Variants in LRRC47 observed in about 807,000 individuals in gnomAD.
LRRC47 encodes leucine-rich repeat-containing protein 47.
In LRRC47, 31 loss-of-function variants were observed where a neutral mutation model predicts 40.9. The observed-to-expected ratio is 0.76, with a 90% CI of 0.57 to 1.02. LRRC47 has a LOEUF of 1.02. Ranked by LOEUF, LRRC47 falls within the 50% of genes least tolerant of loss-of-function variation. The probability of loss-of-function intolerance (pLI) is 0.00; values close to 1 mark genes in which losing one functional copy is unlikely to be tolerated. For synonymous variants in LRRC47, 427 were observed against 371.9 expected (o/e 1.15, Z -1.70); for missense variants, 726 against 796.1 (o/e 0.91, Z 1.06).
intron 5 of LRRC47, among the ~76,000 whole-genome samples, chr1:3,782,072 C>A (rs187620282): frequency 1.4e-3 from 217 of 152,330 alleles, no homozygotes; most frequent in African/African-American, 4.9e-3. Context: ...CGGGCCGTCA[C>A]GCAGCACCGA....
intron 4 of LRRC47, 77 bp downstream of exon 4, chr1:3,783,919 G>T: frequency 1.6e-6 from 2 of 1,239,576 alleles, no homozygotes; most frequent in Non-Finnish European, 2.3e-6. Context: ...TTCCTGAGGA[G>T]CACAGACTAA....
intron 6 of LRRC47, 42 bp from the exon 7 acceptor site, chr1:3,781,378 G>T: frequency 6.3e-7 from 1 of 1,597,620 alleles, no homozygotes; most frequent in South Asian, 1.1e-5. Flanking sequence ...GATGAGAGGT[G>T]ACCCAGGGAA....
intron 2 of LRRC47, 33 bp from the exon 3 acceptor site, chr1:3,785,236 C>G (rs1381153618): frequency 2.1e-6 from 3 of 1,449,724 alleles, no homozygotes; most frequent in South Asian, 1.4e-5. Context: ...AGCAAGGTCT[C>G]TTGTGCCCTG....
chr1:3,781,709 G>T, intron 5 of LRRC47, 108 bp from the exon 6 acceptor site: 1 of 879,232 alleles, frequency 1.1e-6, no homozygotes, highest in Non-Finnish European at 1.8e-6. Flanking sequence ...GCCAGGCACA[G>T]TGGCTCACAC....
rs183910617 is a variant in LRRC47 at position 3,788,397 on chromosome 1, C to T, written c.616-1087G>A. On this transcript the variant is annotated intron_variant, in intron 1 of 6. Coordinates refer to ENST00000378251, the MANE Select transcript of LRRC47 (RefSeq NM_020710.3). ...TCTGCCCCCAGAGAGGAGGCAACAG[C>T]ATGTGGGCCCCCTGGAAGCCAGCAC... 1.6e-3 allele frequency among the ~76,000 whole-genome samples: 245 copies of T among 152,338 alleles called. 2 individuals are homozygous for T. Among genetic ancestry groups the T allele is most frequent in the Admixed American group, 0.01 (155 of 15,308 alleles).
chr1:3,780,974 C>T lies in LRRC47; in HGVS notation c.*114G>A. On this transcript the variant is annotated 3_prime_UTR_variant, in exon 7 of 7. Transcript: ENST00000378251. ...CTGGCGACAGAGCGAGACTCCATCT[C>T]AAAAAAAAAAACCAACAAAAAAACT... The T allele has an allele frequency of 8.4e-7, 1 of 1,196,078 alleles. No homozygotes were observed. The highest frequency in any genetic ancestry group is 1.1e-6 in the Non-Finnish European group (1 of 887,094). 74.1% of individuals were successfully genotyped at this position (1,196,078 alleles called of 1,614,324 possible).
intron 5 of LRRC47, 57 bp from the exon 6 acceptor site, chr1:3,781,658 C>G: frequency 7.3e-7 from 1 of 1,375,956 alleles, no homozygotes; most frequent in Admixed American, 1.8e-5. Flanking sequence ...ACATCAGCAA[C>G]TGCAACATTT....
At chr1:3,795,394 C>T (rs565774980) in intron 1 of LRRC47, among the ~76,000 whole-genome samples, 26 of 152,330 alleles carry the variant, frequency 1.7e-4, no homozygotes, top group South Asian at 4.1e-4. Flanking sequence ...ACCACCCCTA[C>T]CTTGGAAAGC....
chr1:3,790,141 C>T (rs949595173), intron 1 of LRRC47, among the ~76,000 whole-genome samples: 4 of 152,226 alleles, frequency 2.6e-5, no homozygotes, highest in Non-Finnish European at 4.4e-5. Flanking sequence ...CCTGGCATAC[C>T]GGCTGCCTTC....
chr1:3,795,814 G>C (rs1039056844), intron 1 of LRRC47, 48 bp downstream of exon 1: 2 of 1,493,306 alleles, frequency 1.3e-6, no homozygotes, highest in Non-Finnish European at 1.8e-6. Context: ...CCTTCTCCAG[G>C]GCTACTCCAA....
At position 3,786,952 on chromosome 1, in the gene LRRC47, A is replaced by G. The variant is rs759617714; in HGVS notation, c.974T>C (p.Val325Ala). Residue 325 changes from valine (V) to alanine (A), a missense_variant, in exon 2 of 7, where the codon GTG becomes GCG. Coordinates refer to ENST00000378251, the MANE Select transcript of LRRC47 (RefSeq NM_020710.3). ...SENPVPLTVRVSPEVRDVRPY... is the reference protein window; with the variant it reads ...SENPVPLTVRASPEVRDVRPY... ...CCGCACATCCCGGACCTCGGGGCTC[A>G]CTCTGACTGTCAGAGGTACGGGGTT... 5.6e-6 allele frequency: 9 copies of G among 1,610,228 alleles called. No homozygotes were observed. The African/African-American group carries it at 1.1e-4, about 19-fold the overall frequency.
intron 1 of LRRC47, among the ~76,000 whole-genome samples, chr1:3,792,428 T>C (rs1301223245): frequency 6.6e-6 from 1 of 151,246 alleles, no homozygotes; most frequent in Admixed American, 6.6e-5. Flanking sequence ...AGAGGAATGC[T>C]TTACCAGGCA....
Position 3,795,967 on chromosome 1 carries a change from G to C in LRRC47, c.510C>G (p.Ala170=). The change falls in exon 1 of 7, where the codon GCC becomes GCG. Residue 170 remains alanine (A), a synonymous_variant. Transcript: ENST00000378251. ...GCAGCGCGCCGGGGCGAAAGAGCTC[G>C]GCGGGAAAGGAGTCTAGGCAATTGC... ...LTGNCLDSFP[A]ELFRPGALPL... is the part of the protein sequence containing the mutation. The C allele has an allele frequency of 6.3e-7, 1 of 1,586,962 alleles. No individual in the cohort carries two copies.
chr1:3,786,599 G>T (rs1274211283), intron 2 of LRRC47, among the ~76,000 whole-genome samples: 1 of 152,220 alleles, frequency 6.6e-6, no homozygotes, highest in Non-Finnish European at 1.5e-5. Context: ...CGTCTGTGAA[G>T]AGGCCATCTC....
Position 3,792,464 on chromosome 1 carries a change from C to CTT in LRRC47, c.615+3396_615+3397dup, listed in dbSNP as rs34288803. Reference sequence around the variant, plus strand: ...GGTGCTACAGAGAGCTGGACGCACACTTTTTTTTTTTTTTGAGACGCAGTC... The same window carrying CTT: ...GGTGCTACAGAGAGCTGGACGCACACTTTTTTTTTTTTTTTTGAGACGCAGTC... On this transcript the variant is annotated intron_variant, in intron 1 of 6. Coordinates refer to ENST00000378251, the MANE Select transcript of LRRC47 (RefSeq NM_020710.3). Among the ~76,000 whole-genome samples, 67 of 142,384 alleles carry CTT rather than the reference C, an allele frequency of 4.7e-4. 8 individuals are homozygous for CTT. The highest frequency in any genetic ancestry group is 1.5e-3 in the East Asian group (7 of 4,808). The allele number at this position is 142,384 out of a possible 152,430, so 93.4% of individuals were successfully genotyped here. A position where few individuals can be genotyped will look rare whatever the true frequency, so the allele number is the denominator to read the frequency against.
At chr1:3,791,236 G>C (rs1396094206) in intron 1 of LRRC47, among the ~76,000 whole-genome samples, 1 of 152,234 alleles carries the variant, frequency 6.6e-6, no homozygotes, top group Admixed American at 6.5e-5. Flanking sequence ...AGCCAGCCCA[G>C]AGCGCAGAGC....
At chr1:3,787,747 T>C (rs1643589733) in intron 1 of LRRC47, among the ~76,000 whole-genome samples, 3 of 151,974 alleles carry the variant, frequency 2.0e-5, no homozygotes, top group South Asian at 2.1e-4. Context: ...AGTGGTGTTA[T>C]TTTTTTTAAT....
Position 3,796,138 on chromosome 1 carries a change from C to A in LRRC47, c.339G>T (p.Ala113=). The A allele has an allele frequency of 1.4e-6, 2 of 1,430,136 alleles. No homozygotes were observed. The highest frequency in any genetic ancestry group is 1.5e-5 in the African/African-American group (1 of 66,620). The allele number at this position is 1,430,136 out of a possible 1,614,324, so 88.6% of individuals were successfully genotyped here. A position where few individuals can be genotyped will look rare whatever the true frequency, so the allele number is the denominator to read the frequency against. The change falls in exon 1 of 7, where the codon GCG becomes GCT. Residue 113 remains alanine (A), a synonymous_variant. Coordinates refer to ENST00000378251, the MANE Select transcript of LRRC47 (RefSeq NM_020710.3). ...GGCCCAGGCCTTGGCCCGGCGGCAG[C>A]GCCTCCAGCGCGTTGCCCGACAGGT... The part of the protein sequence containing the change: ...VLDLSGNALE[A]LPPGQGLGPA...
In LRRC47 at chr1:3,796,315, G is replaced by C; in HGVS notation, c.162C>G (p.Tyr54Ter). ...PRLFTLPLLH[Y>*]LEVSGCGSLR... Reference sequence around the variant, plus strand: ...AGCTCCCGCAGCCGCTCACTTCCAAGTAGTGCAGCAGCGGCAGGGTGAAAA... The same window carrying C: ...AGCTCCCGCAGCCGCTCACTTCCAACTAGTGCAGCAGCGGCAGGGTGAAAA... The change falls in exon 1 of 7, where the codon TAC becomes TAG. Residue 54 changes from tyrosine (Y) to a stop codon, truncating the protein, a stop_gained. Coordinates refer to ENST00000378251, the MANE Select transcript of LRRC47 (RefSeq NM_020710.3). LOFTEE classifies it high-confidence loss of function. 1 of 1,504,426 alleles carries C rather than the reference G, an allele frequency of 6.6e-7. No individual in the cohort carries two copies. The highest frequency in any genetic ancestry group is 1.2e-5 in the South Asian group (1 of 81,064). 93.2% of individuals were successfully genotyped at this position (1,504,426 alleles called of 1,614,324 possible).
Sources: gnomAD v4.1 joint callset for allele counts (sites outside exome capture counted in the v4.1 genomes callset) on GRCh38, gnomAD v4.1.1 for gene constraint, MANE v1.5 for transcripts, NCBI Gene and HGNC (gene_info 2026-07-23, HGNC 2026-07-21) for gene names.